The following TENM1 variants were observed in gnomAD, a reference collection of about 807,000 sequenced individuals.
TENM1 encodes the protein teneurin transmembrane protein 1, also known as teneurin-1.
Under a neutral mutation model 174.8 loss-of-function variants are expected in TENM1, and 35 were observed. That is an observed-to-expected ratio of 0.20 (90% CI 0.15 to 0.27). The LOEUF (loss-of-function observed/expected upper bound fraction) is 0.27. TENM1 is among the 10% of genes least tolerant of loss of function. The probability of loss-of-function intolerance (pLI) is 1.00; values close to 1 mark genes in which losing one functional copy is unlikely to be tolerated. For missense variants in TENM1, 1,633 were observed against 2,130.1 expected (o/e 0.77, Z 4.59); for synonymous variants, 781 against 798.7 (o/e 0.98, Z 0.37).
At chrX:124,839,981 A>G (rs1209819959) in intron 3 of TENM1, among the ~76,000 whole-genome samples, 1 of 111,538 alleles carries the variant, frequency 9.0e-6, no homozygotes, top group African/African-American at 3.3e-5. Context: ...ACCTCCGGCA[A>G]TGACTTCTTA....
chrX:124,994,027 T>A, the TENM1 span, among the ~76,000 whole-genome samples: 9 of 110,423 alleles, frequency 8.2e-5, no homozygotes, highest in African/African-American at 3.0e-4. Context: ...TTTTCTGATT[T>A]GCTTTACTCA....
chrX:125,092,291 C>G, the TENM1 span, among the ~76,000 whole-genome samples: 11 of 110,830 alleles, frequency 9.9e-5, no homozygotes, highest in Non-Finnish European at 1.5e-4. Context: ...GCTATTCAAT[C>G]AAAAAAAGGA....
intron 3 of TENM1, among the ~76,000 whole-genome samples, chrX:124,745,116 A>C (rs959886619): frequency 8.9e-6 from 1 of 111,910 alleles, no homozygotes; most frequent in African/African-American, 3.2e-5. Flanking sequence ...CCCTTGTCCA[A>C]ATTTTTCAAA....
chrX:125,165,276 G>A, the TENM1 span, among the ~76,000 whole-genome samples: 1 of 111,690 alleles, frequency 9.0e-6, no homozygotes, highest in East Asian at 2.8e-4. Flanking sequence ...TGTGTAGAAA[G>A]TTGGATTTTT....
At chrX:124,911,109 C>T (rs1328723391) in intron 1 of TENM1, among the ~76,000 whole-genome samples, 1 of 110,122 alleles carries the variant, frequency 9.1e-6, no homozygotes, top group Non-Finnish European at 1.9e-5. Flanking sequence ...ACAGATGGGG[C>T]CTTACTATGT....
At chrX:125,005,227 CACAA>C in the TENM1 span, among the ~76,000 whole-genome samples, 1 of 96,047 alleles carries the variant, frequency 1.0e-5, no homozygotes, top group African/African-American at 3.9e-5. Context: ...CACACACACA[CACAA>C]ATAATTCTAT....
the TENM1 span, among the ~76,000 whole-genome samples, chrX:125,147,150 T>A: frequency 1.0e-5 from 1 of 99,775 alleles, no homozygotes; most frequent in Non-Finnish European, 2.2e-5. Flanking sequence ...TGTATATATA[T>A]CACATATATG....
chrX:125,180,295 CT>C, the TENM1 span, among the ~76,000 whole-genome samples: 1 of 94,119 alleles, frequency 1.1e-5, no homozygotes, highest in Non-Finnish European at 2.1e-5. Flanking sequence ...TTTTCAACCC[CT>C]GACCTCAAGT....
the TENM1 span, among the ~76,000 whole-genome samples, chrX:125,194,977 C>T: frequency 5.6e-4 from 63 of 111,953 alleles, no homozygotes; most frequent in Admixed American, 1.8e-3. Flanking sequence ...GTTATATGAC[C>T]GGAGTATGCT....
chrX:124,514,532 C>A (rs1419061644), intron 18 of TENM1, among the ~76,000 whole-genome samples: 2 of 110,755 alleles, frequency 1.8e-5, no homozygotes, highest in East Asian at 5.7e-4. Flanking sequence ...ACCACTGACT[C>A]CACAGAAATG....
Position 124,895,963 on chromosome X carries a change from A to G in TENM1, c.478+18T>C. 1.7e-6 allele frequency: 2 copies of G among 1,207,532 alleles called. No individual in the cohort carries two copies. Among genetic ancestry groups the G allele is most frequent in the Non-Finnish European group, 2.2e-6 (2 of 892,428 alleles). On this transcript the variant is annotated intron_variant, in intron 2 of 31. Transcript: ENST00000422452. ...ATTCTTTCTGTGTTTTACTTAAACA[A>G]TTCAAGTAGTTTATTACCATTTTCC...
chrX:124,449,768 T>C (rs1722912967), intron 23 of TENM1, among the ~76,000 whole-genome samples: 1 of 111,868 alleles, frequency 8.9e-6, no homozygotes, highest in African/African-American at 3.3e-5. Context: ...TTGTCAGTTT[T>C]CCAGGCCCAA....
At chrX:124,862,881 G>C (rs1308061889) in intron 3 of TENM1, among the ~76,000 whole-genome samples, 1 of 106,968 alleles carries the variant, frequency 9.3e-6, no homozygotes, top group Non-Finnish European at 1.9e-5. Flanking sequence ...TTCTGCTTGA[G>C]GAGAGGAGAG....
At chrX:124,376,257 G>T (rs1056480879) in exon 32 of TENM1, 3 of 112,429 alleles carry the variant, frequency 2.7e-5, no homozygotes, top group Non-Finnish European at 5.6e-5. Flanking sequence ...GGCATACACT[G>T]TAAACATCTT....
At chrX:125,109,474 T>C in the TENM1 span, among the ~76,000 whole-genome samples, 2 of 110,844 alleles carry the variant, frequency 1.8e-5, no homozygotes, top group Non-Finnish European at 3.8e-5. Context: ...CAACCCATCA[T>C]CCAGGTATTA....
intron 25 of TENM1, among the ~76,000 whole-genome samples, chrX:124,408,587 CAT>C (rs752383163): frequency 1.8e-5 from 2 of 111,960 alleles, no homozygotes; most frequent in Admixed American, 1.9e-4. Flanking sequence ...CTCTGTTCCA[CAT>C]GAGGCACCAG....
intron 1 of TENM1, among the ~76,000 whole-genome samples, chrX:124,950,821 C>T (rs2058471655): frequency 9.0e-6 from 1 of 111,717 alleles, no homozygotes. Flanking sequence ...GTAATAAAAA[C>T]TGCATAATTG....
intron 5 of TENM1, among the ~76,000 whole-genome samples, chrX:124,703,188 A>C (rs933292509): frequency 5.4e-5 from 6 of 111,723 alleles, no homozygotes; most frequent in African/African-American, 1.9e-4. Context: ...AGACCTGAAA[A>C]GGTTAAGTAA....
the TENM1 span, among the ~76,000 whole-genome samples, chrX:125,152,370 T>A: frequency 5.4e-5 from 6 of 111,059 alleles, no homozygotes; most frequent in Non-Finnish European, 1.1e-4. Context: ...AAAGAAAAAA[T>A]AATAAAAGTG....
Sources: gnomAD v4.1 joint callset for allele counts (sites outside exome capture counted in the v4.1 genomes callset) on GRCh38, gnomAD v4.1.1 for gene constraint, MANE v1.5 for transcripts, NCBI Gene and HGNC (gene_info 2026-07-23, HGNC 2026-07-21) for gene names.